The following PALLD variants were observed in gnomAD, a reference collection of about 807,000 sequenced individuals.
PALLD encodes the protein palladin.
Under a neutral mutation model 123.5 loss-of-function variants are expected in PALLD, and 61 were observed. The observed-to-expected ratio is 0.49, with a 90% confidence interval of 0.40 to 0.61. The LOEUF is 0.61. Ranked by LOEUF, PALLD falls within the 20% of genes least tolerant of loss-of-function variation. PALLD has a pLI of 0.00. For synonymous variants in PALLD, 465 were observed against 496.4 expected (o/e 0.94, Z 0.84); for missense variants, 1,273 against 1,377.0 (o/e 0.92, Z 1.20).
At chr4:168,630,472 C>T (rs542830882) in intron 2 of PALLD, among the ~76,000 whole-genome samples, 1 of 152,326 alleles carries the variant, frequency 6.6e-6, no homozygotes, top group South Asian at 2.1e-4. Flanking sequence ...TGACTCACCA[C>T]TTCCTCGGGA....
intron 15 of PALLD, among the ~76,000 whole-genome samples, chr4:168,909,241 T>C (rs1758415105): frequency 6.6e-6 from 1 of 152,224 alleles, no homozygotes; most frequent in African/African-American, 2.4e-5. Flanking sequence ...ACTTGGATTT[T>C]GGAATGGCTA....
intron 2 of PALLD, among the ~76,000 whole-genome samples, chr4:168,634,927 C>A (rs1776195011): frequency 6.6e-6 from 1 of 152,200 alleles, no homozygotes; most frequent in South Asian, 2.1e-4. Context: ...TATGCTTGAC[C>A]TCTCCATTAT....
intron 21 of PALLD, chr4:168,925,479 T>G (rs11944074): frequency 0.031 from 18,129 of 590,210 alleles, 381 homozygotes; most frequent in Middle Eastern, 0.063. Flanking sequence ...TCTATCGCAG[T>G]GTCCTAATGC....
At chr4:168,872,716 T>TTA (rs61544567) in intron 10 of PALLD, among the ~76,000 whole-genome samples, 20,953 of 152,106 alleles carry the variant, frequency 0.14, 1,776 homozygotes, top group East Asian at 0.39. Context: ...AGATTGGGAT[T>TTA]TATATACCTT....
At chr4:168,861,748 T>C (rs1749507036) in intron 10 of PALLD, among the ~76,000 whole-genome samples, 4 of 152,070 alleles carry the variant, frequency 2.6e-5, no homozygotes, top group Admixed American at 2.6e-4. Flanking sequence ...CATGACCTCC[T>C]GAGCCCAGTT....
chr4:168,519,520 T>TA (rs1219349480), intron 2 of PALLD, among the ~76,000 whole-genome samples: 4 of 151,852 alleles, frequency 2.6e-5, no homozygotes, highest in Admixed American at 6.6e-5. Context: ...TTTAAAATGT[T>TA]TTTTTTTGTT....
intron 2 of PALLD, among the ~76,000 whole-genome samples, chr4:168,619,696 T>A (rs1266486912): frequency 6.6e-6 from 1 of 152,206 alleles, no homozygotes; most frequent in Non-Finnish European, 1.5e-5. Flanking sequence ...GGGGAGTCTG[T>A]ACTTATGACG....
intron 2 of PALLD, among the ~76,000 whole-genome samples, chr4:168,532,862 A>G (rs1764734324): frequency 6.6e-6 from 1 of 152,190 alleles, no homozygotes; most frequent in South Asian, 2.1e-4. Context: ...TTTGCTGAAG[A>G]AATACAGGAA....
chr4:168,509,081 G>T (rs894209209), intron 1 of PALLD, among the ~76,000 whole-genome samples: 3 of 152,144 alleles, frequency 2.0e-5, no homozygotes, highest in African/African-American at 7.2e-5. Context: ...TAATTCCACA[G>T]GGGTCTATGC....
chr4:168,648,360 G>A (rs1046574454), intron 2 of PALLD: 1 of 152,084 alleles, frequency 6.6e-6, no homozygotes, highest in African/African-American at 2.4e-5. Context: ...GCATAATGAA[G>A]GGGGAAAAAT....
intron 2 of PALLD, among the ~76,000 whole-genome samples, chr4:168,596,126 T>C (rs539131373): frequency 1.3e-5 from 2 of 152,176 alleles, no homozygotes; most frequent in African/African-American, 2.4e-5. Flanking sequence ...AAAATGAAAA[T>C]GTCTTGAGTA....
chr4:168,741,751 C>T lies in PALLD; in HGVS notation c.1964+29828C>T, dbSNP rs969744835. Among the ~76,000 whole-genome samples, 3 of 152,150 alleles carry T rather than the reference C, an allele frequency of 2.0e-5. No homozygotes were observed. The East Asian group carries it at 5.8e-4, about 29-fold the overall frequency. On this transcript the variant is annotated intron_variant, in intron 10 of 21. Transcript: ENST00000505667. ...GAGAGAAAGAGGAAAATAAAAAGAG[C>T]AATTCATCCTGCAAAGACCTAGAAC... is the stretch of plus-strand genomic sequence containing the variant.
At chr4:168,512,935 T>C (rs28566917) in intron 2 of PALLD, among the ~76,000 whole-genome samples, 30,753 of 151,422 alleles carry the variant, frequency 0.2, 3,046 homozygotes, top group Middle Eastern at 0.24. Flanking sequence ...AGCCTGAGGA[T>C]CAAAAAACTA....
chr4:168,922,325 A>G (rs1473664141), intron 18 of PALLD, among the ~76,000 whole-genome samples: 1 of 152,194 alleles, frequency 6.6e-6, no homozygotes, highest in East Asian at 1.9e-4. Context: ...ACCATCCTTA[A>G]GAGTTAGGTG....
At chr4:168,761,662 T>TGTTTG (rs1561493989) in intron 10 of PALLD, among the ~76,000 whole-genome samples, 8 of 131,316 alleles carry the variant, frequency 6.1e-5, no homozygotes, top group Non-Finnish European at 1.1e-4. Context: ...TTTTTTTTTT[T>TGTTTG]TTTTTTTTTT....
rs959401914 is a variant in PALLD, at chr4:168,704,817, A to G, written c.1502-4211A>G. On this transcript the variant is annotated intron_variant, in intron 8 of 21. Coordinates refer to ENST00000505667, the MANE Select transcript of PALLD (RefSeq NM_001166108.2). ...TTGGTTCTGTTTTTACAGACTCAAT[A>G]GGAGGGGTTGCAAAGCTATCAAGAC... is the stretch of plus-strand genomic sequence containing the variant. 2.0e-5 allele frequency among the ~76,000 whole-genome samples: 3 copies of G among 152,228 alleles called. No individual in the cohort carries two copies. The East Asian group carries it at 5.8e-4, about 29-fold the overall frequency.
intron 14 of PALLD, among the ~76,000 whole-genome samples, chr4:168,899,134 C>CT (rs1755896198): frequency 6.6e-6 from 1 of 152,142 alleles, no homozygotes; most frequent in Non-Finnish European, 1.5e-5. Flanking sequence ...AACTTCCAAT[C>CT]TTTAATCAAA....
chr4:168,832,105 C>T (rs1744311572), intron 10 of PALLD: 4 of 985,270 alleles, frequency 4.1e-6, no homozygotes, highest in South Asian at 4.7e-5. Flanking sequence ...CCGCGGAGCC[C>T]GCTGCAGCTC....
intron 8 of PALLD, among the ~76,000 whole-genome samples, chr4:168,699,099 G>A (rs1245042670): frequency 6.6e-6 from 1 of 151,912 alleles, no homozygotes; most frequent in Non-Finnish European, 1.5e-5. Context: ...TCTTTTCTGA[G>A]ACAGAGTCTT....
Sources: allele counts gnomAD v4.1 joint callset (sites outside exome capture counted in the v4.1 genomes callset), GRCh38; gene constraint gnomAD v4.1.1; transcripts MANE v1.5; gene names NCBI Gene and HGNC (gene_info 2026-07-23, HGNC 2026-07-21).